LGI2: variants seen among roughly 807,000 people sequenced by gnomAD.
LGI2 encodes the protein leucine rich repeat LGI family member 2, also known as leucine-rich repeat LGI family member 2.
In LGI2, 30 loss-of-function variants were observed where a neutral mutation model predicts 52.0. That is an observed-to-expected ratio of 0.58 (90% CI 0.43 to 0.78). The LOEUF (loss-of-function observed/expected upper bound fraction) is 0.78, where lower values mean the gene tolerates loss of function less well. Ranked by LOEUF, LGI2 falls within the 30% of genes least tolerant of loss-of-function variation. The pLI is 0.00. For missense variants in LGI2, 573 were observed against 692.5 expected (o/e 0.83, Z 1.94); for synonymous variants, 270 against 271.8 (o/e 0.99, Z 0.06).
At chr4:25,016,334 C>T (rs548748265) in intron 6 of LGI2, among the ~76,000 whole-genome samples, 6 of 152,308 alleles carry the variant, frequency 3.9e-5, no homozygotes, top group Non-Finnish European at 7.4e-5. Context: ...CTTGGTGTTT[C>T]GAGACCTCTG....
chr4:25,004,322 T>A lies in LGI2; in HGVS notation c.821-54A>T. ...TAGTGCAACTACAGCTAAAAACGCA[T>A]CTCCGCTTGTACTCTTATACACTGC... On this transcript the variant is annotated intron_variant, in intron 7 of 7. Coordinates refer to ENST00000382114, the MANE Select transcript of LGI2 (RefSeq NM_018176.4). This position sits in a 1 kb window ranked among gnomAD's most constrained non-coding sequence, Gnocchi z 4.6. The A allele has an allele frequency of 1.4e-6, 2 of 1,473,416 alleles. No homozygotes were observed. Among genetic ancestry groups the A allele is most frequent in the Non-Finnish European group, 1.8e-6 (2 of 1,084,738 alleles). The allele number at this position is 1,473,416 out of a possible 1,614,324, so 91.3% of individuals were successfully genotyped here. A position where few individuals can be genotyped will look rare whatever the true frequency, so the allele number is the denominator to read the frequency against.
chr4:25,024,443 G>A lies in LGI2; in HGVS notation c.413+377C>T, dbSNP rs1037085120. Among the ~76,000 whole-genome samples, 12 of 152,156 alleles carry A rather than the reference G, an allele frequency of 7.9e-5. No homozygotes were observed. In the South Asian group the frequency reaches 1.2e-3, roughly 16 times the overall value. ...GCATGATAATGGCTTGAACCCAGGA[G>A]GCGGAGGCTGCAGTGAGCCGAGATC... On this transcript the variant is annotated intron_variant, in intron 4 of 7. Coordinates refer to ENST00000382114, the MANE Select transcript of LGI2 (RefSeq NM_018176.4).
intron 7 of LGI2, among the ~76,000 whole-genome samples, chr4:25,008,318 C>T (rs1030756741): frequency 2.0e-5 from 3 of 152,024 alleles, no homozygotes; most frequent in South Asian, 2.1e-4. Context: ...TTTGGGAGGC[C>T]GAGGTGGGTG....
chr4:25,015,824 CGGG>C (rs908870052), intron 6 of LGI2, among the ~76,000 whole-genome samples: 1 of 152,022 alleles, frequency 6.6e-6, no homozygotes, highest in African/African-American at 2.4e-5. Context: ...TCTTACACAG[CGGG>C]GCCTATGTTT....
At chr4:25,017,541 C>CAAAAAAAAAAAAAAAAA (rs66740392) in intron 6 of LGI2, among the ~76,000 whole-genome samples, 1 of 53,242 alleles carries the variant, frequency 1.9e-5, no homozygotes, top group African/African-American at 8.1e-5. Context: ...GACTCTGCCT[C>CAAAAAAAAAAAAAAAAA]AAAAAAAAAA....
Position 25,003,570 on chromosome 4 carries a change from C to A in LGI2, c.1519G>T (p.Val507Leu). The stretch of plus-strand genomic sequence containing the variant: ...GCTGTGAATGAACGAGGCGCCTGCA[C>A]GTAAATCTCCTTAAACTTTTTGAAT... Reference protein sequence around the residue: ...QLFKKFKEIYVQAPRSFTAVS... With the variant: ...QLFKKFKEIYLQAPRSFTAVS... The change falls in exon 8 of 8, where the codon GTG becomes TTG. Residue 507 changes from valine (V) to leucine (L), a missense_variant. Coordinates refer to ENST00000382114, the MANE Select transcript of LGI2 (RefSeq NM_018176.4). 1 of 1,614,154 alleles carries A rather than the reference C, an allele frequency of 6.2e-7. No homozygotes were observed. The highest frequency in any genetic ancestry group is 8.5e-7 in the Non-Finnish European group (1 of 1,179,998).
intron 4 of LGI2, among the ~76,000 whole-genome samples, chr4:25,019,653 A>T (rs1277964666): frequency 2.0e-5 from 3 of 152,252 alleles, no homozygotes; most frequent in South Asian, 2.1e-4. Flanking sequence ...TTCCTCCAAC[A>T]GGTGAGGCAT....
intron 7 of LGI2, among the ~76,000 whole-genome samples, chr4:25,011,026 G>C (rs112783548): frequency 0.02 from 2,954 of 151,434 alleles, 38 homozygotes; most frequent in Non-Finnish European, 0.03. Flanking sequence ...AGGTTGCAAT[G>C]AGGCAAGATT....
chr4:25,004,018 G>A lies in LGI2; in HGVS notation c.1071C>T (p.Asn357=), dbSNP rs1725328965. The change falls in exon 8 of 8, where the codon AAC becomes AAT. Residue 357 remains asparagine, a synonymous_variant. Coordinates refer to ENST00000382114, the MANE Select transcript of LGI2 (RefSeq NM_018176.4). The surrounding 1 kb of genome is among the most constrained non-coding windows in gnomAD (Gnocchi z 4.6). ...KAGLSTVYKW[N]SKGFYSYQSL... ...ACTGGTAAGAATAGAATCCTTTGCT[G>A]TTCCATTTATAAACTGTGGACAGAC... 1.2e-6 allele frequency: 2 copies of A among 1,614,048 alleles called. No individual in the cohort carries two copies. Among genetic ancestry groups the A allele is most frequent in the African/African-American group, 1.3e-5 (1 of 74,914 alleles).
At chr4:25,006,227 C>A (rs1352711849) in intron 7 of LGI2, among the ~76,000 whole-genome samples, 1 of 151,726 alleles carries the variant, frequency 6.6e-6, no homozygotes, top group African/African-American at 2.4e-5. Context: ...TCCCCTCTGG[C>A]TCACCTCCCA....
chr4:25,012,238 G>C, intron 7 of LGI2, 97 bp downstream of exon 7: 1 of 1,370,160 alleles, frequency 7.3e-7, no homozygotes, highest in South Asian at 1.3e-5. Flanking sequence ...AGGTTAGAGA[G>C]CCGAGCTCTC....
intron 7 of LGI2, 56 bp downstream of exon 7, chr4:25,012,279 G>C: frequency 6.3e-7 from 1 of 1,593,616 alleles, no homozygotes; most frequent in South Asian, 1.1e-5. Context: ...CTCCTCCCGC[G>C]GGCTTGCCGC....
chr4:25,013,403 A>C lies in LGI2; in HGVS notation c.656-904T>G, dbSNP rs1016548725. Among the ~76,000 whole-genome samples the C allele has an allele frequency of 1.1e-4, 17 of 152,298 alleles. No individual in the cohort carries two copies. In the East Asian group the frequency reaches 3.1e-3, roughly 28 times the overall value. On this transcript the variant is annotated intron_variant, in intron 6 of 7. Coordinates refer to ENST00000382114, the MANE Select transcript of LGI2 (RefSeq NM_018176.4). ...TCTGCAGCCCAACAGGCAGGAGGTG[A>C]CTGAGGGAGAGTGTGGACAAGTGGC...
intron 7 of LGI2, among the ~76,000 whole-genome samples, chr4:25,008,553 CAAA>C (rs33920247): frequency 8.1e-4 from 70 of 85,978 alleles, no homozygotes; most frequent in African/African-American, 1.4e-3. Context: ...GACTCTGTCT[CAAA>C]AAAAAAAAAA....
At chr4:25,007,578 AGTGTGTGTGTGTGT>A (rs3066687) in intron 7 of LGI2, among the ~76,000 whole-genome samples, 4,781 of 142,332 alleles carry the variant, frequency 0.034, 85 homozygotes, top group Non-Finnish European at 0.048. Flanking sequence ...CAGACAGATC[AGTGTGTGTGTGTGT>A]GTGTGTGTGT....
At chr4:25,012,741 C>T (rs564107343) in intron 6 of LGI2, among the ~76,000 whole-genome samples, 3 of 152,356 alleles carry the variant, frequency 2.0e-5, no homozygotes, top group Non-Finnish European at 2.9e-5. Flanking sequence ...TGTGGAGAAA[C>T]AGCTTCCCGA....
chr4:24,996,257 C>A (rs1241065390), downstream of LGI2, among the ~76,000 whole-genome samples: 1 of 152,174 alleles, frequency 6.6e-6, no homozygotes, highest in Admixed American at 6.5e-5. Flanking sequence ...TGCAAACTGG[C>A]AAGAAAACGC....
In LGI2 at chr4:25,010,266, C is replaced by T. The variant is rs527897911; in HGVS notation, c.820+2069G>A. 4.6e-5 allele frequency among the ~76,000 whole-genome samples: 7 copies of T among 151,984 alleles called. No individual in the cohort carries two copies. The South Asian group carries it at 6.2e-4, about 14-fold the overall frequency. ...CTGCACTCTAGCCTAGGCAACAGAG[C>T]GAGACTCCATCTCAAAAAAGAAAAG... On this transcript the variant is annotated intron_variant, in intron 7 of 7. Transcript: ENST00000382114.
downstream of LGI2, among the ~76,000 whole-genome samples, chr4:24,998,592 A>G (rs763086701): frequency 5.9e-5 from 9 of 152,156 alleles, no homozygotes; most frequent in Non-Finnish European, 1.0e-4. Flanking sequence ...TTCTTTGTCA[A>G]TCTGTCAGGA....
Sources: allele counts gnomAD v4.1 joint callset (sites outside exome capture counted in the v4.1 genomes callset), GRCh38; gene constraint gnomAD v4.1.1; non-coding constraint Gnocchi (gnomAD v3.1); transcripts MANE v1.5; gene names NCBI Gene and HGNC (gene_info 2026-07-23, HGNC 2026-07-21).